The following FGF13 variants were observed in gnomAD, a reference collection of about 807,000 sequenced individuals.
FGF13 encodes the protein fibroblast growth factor 13, also known as fibroblast growth factor homologous factor 2.
In FGF13, 2 loss-of-function variants were observed where a neutral mutation model predicts 19.5. The observed-to-expected ratio is 0.10, with a 90% CI of 0.04 to 0.32. The LOEUF is 0.32. FGF13 is among the 10% of genes least tolerant of loss of function. FGF13 has a pLI of 1.00. For synonymous variants in FGF13, 72 were observed against 76.9 expected, an observed-to-expected ratio of 0.94 and a Z score of 0.33; for missense variants, 113 against 192.7, an observed-to-expected ratio of 0.59 and a Z score of 2.45.
chrX:139,204,440 T>TAGAA, upstream of FGF13, among the ~76,000 whole-genome samples: 1 of 112,594 alleles, frequency 8.9e-6, no homozygotes, highest in Non-Finnish European at 1.9e-5. Flanking sequence ...CCTCAGCTTC[T>TAGAA]GCCCGCCTGC....
intron 3 of FGF13, among the ~76,000 whole-genome samples, chrX:138,764,597 A>C (rs1055888574): frequency 2.7e-5 from 3 of 112,473 alleles, no homozygotes; most frequent in Non-Finnish European, 5.6e-5. Flanking sequence ...AAGGTCTGTA[A>C]CTATAGTTAT....
At chrX:138,878,158 A>G (rs1326534093) in intron 1 of FGF13, among the ~76,000 whole-genome samples, 1 of 109,777 alleles carries the variant, frequency 9.1e-6, no homozygotes, top group Non-Finnish European at 1.9e-5. Flanking sequence ...TTTTAATTTT[A>G]TTATCATTAC....
chrX:138,945,561 G>T (rs1303160003), intron 1 of FGF13, among the ~76,000 whole-genome samples: 2 of 111,759 alleles, frequency 1.8e-5, no homozygotes, highest in African/African-American at 6.5e-5. Context: ...ATTAACAGGG[G>T]TTGCCAACAG....
intron 1 of FGF13, among the ~76,000 whole-genome samples, chrX:139,019,616 A>C (rs2092168645): frequency 9.0e-6 from 1 of 111,188 alleles, no homozygotes; most frequent in Admixed American, 9.6e-5. Flanking sequence ...ACAATTATTA[A>C]AAGTATAACT....
intron 1 of FGF13, among the ~76,000 whole-genome samples, chrX:139,158,270 T>TC (rs2083996609): frequency 9.1e-6 from 1 of 109,528 alleles, no homozygotes; most frequent in Non-Finnish European, 1.9e-5. Context: ...AACCGTTCAC[T>TC]CCCCTGGAAA....
At chrX:139,167,212 T>C (rs1018297269) in intron 1 of FGF13, among the ~76,000 whole-genome samples, 1 of 112,193 alleles carries the variant, frequency 8.9e-6, no homozygotes, top group African/African-American at 3.2e-5. Flanking sequence ...CAAAGTATAC[T>C]GTCTCCCTTA....
chrX:139,099,690 G>A (rs1440243948), intron 1 of FGF13, among the ~76,000 whole-genome samples: 1 of 111,316 alleles, frequency 9.0e-6, no homozygotes, highest in Non-Finnish European at 1.9e-5. Flanking sequence ...CTGAGGTGGG[G>A]AGGAGGAAGG....
At chrX:139,161,975 T>C (rs926366108) in intron 1 of FGF13, among the ~76,000 whole-genome samples, 5 of 112,047 alleles carry the variant, frequency 4.5e-5, no homozygotes, top group South Asian at 3.7e-4. Context: ...ATACTGCCCA[T>C]AGTAATTTAT....
At chrX:138,888,205 T>G (rs903900815) in intron 1 of FGF13, among the ~76,000 whole-genome samples, 1 of 112,270 alleles carries the variant, frequency 8.9e-6, no homozygotes, top group Non-Finnish European at 1.9e-5. Flanking sequence ...GCCATTGAGT[T>G]GTATCATTCC....
chrX:139,069,140 G>A (rs1470219297), intron 1 of FGF13, among the ~76,000 whole-genome samples: 1 of 100,022 alleles, frequency 1.0e-5, no homozygotes, highest in Non-Finnish European at 2.0e-5. Context: ...TATAAATCAT[G>A]CTGCTATAAA....
At chrX:138,755,755 TG>T (rs1207812197) in intron 3 of FGF13, among the ~76,000 whole-genome samples, 2 of 112,244 alleles carry the variant, frequency 1.8e-5, no homozygotes, top group African/African-American at 6.5e-5. Flanking sequence ...ATTGTAATGA[TG>T]GGGAGACAAA....
intron 1 of FGF13, among the ~76,000 whole-genome samples, chrX:139,131,988 G>T (rs1351177011): frequency 8.9e-6 from 1 of 111,828 alleles, no homozygotes; most frequent in Non-Finnish European, 1.9e-5. Context: ...GAAGGTTATT[G>T]TTTCTCTGCA....
intron 1 of FGF13, among the ~76,000 whole-genome samples, chrX:138,940,798 T>G (rs1200251989): frequency 9.0e-6 from 1 of 111,309 alleles, no homozygotes; most frequent in African/African-American, 3.3e-5. Flanking sequence ...ATGTGTCTGT[T>G]TTTGTACCAG....
intron 1 of FGF13, among the ~76,000 whole-genome samples, chrX:139,194,163 G>T (rs1417996157): frequency 1.8e-5 from 2 of 109,002 alleles, no homozygotes. Context: ...ATTATTTAAC[G>T]ACATAAAATA....
chrX:138,751,512 T>C (rs1382580728), intron 3 of FGF13, among the ~76,000 whole-genome samples: 1 of 111,994 alleles, frequency 8.9e-6, no homozygotes, highest in Non-Finnish European at 1.9e-5. Flanking sequence ...TGTCTTGGTC[T>C]TGCTTTTATA....
rs1329760580 is a variant in FGF13 at position 138,633,081 on chromosome X, C to T, written c.602-95G>A. 1.4e-5 allele frequency: 13 copies of T among 923,097 alleles called. No individual in the cohort carries two copies. In the East Asian group the frequency reaches 4.3e-4, roughly 30 times the overall value. 76.1% of individuals were successfully genotyped at this position (923,097 alleles called of 1,213,427 possible). ...TAGTTTGTAGGTGTTCTATTCCACA[C>T]ACCTAAATGATAAGTATGTGAGGTA... On this transcript the variant is annotated intron_variant, in intron 4 of 4. Transcript: ENST00000315930.
chrX:138,942,185 C>T lies in FGF13; in HGVS notation c.-112-77535G>A, dbSNP rs146225349. Reference sequence around the variant, plus strand: ...CTTGGAAGTTGGTATTATTATTCTCCCCATGTCTTAGGTAAGCAAACAGAG... The same window carrying T: ...CTTGGAAGTTGGTATTATTATTCTCTCCATGTCTTAGGTAAGCAAACAGAG... On this transcript the variant is annotated intron_variant, in intron 1 of 2. Coordinates refer to the FGF13 transcript ENST00000421460. Among the ~76,000 whole-genome samples, 770 of 111,353 alleles carry T rather than the reference C, an allele frequency of 6.9e-3. 6 individuals are homozygous for T. Among genetic ancestry groups the T allele is most frequent in the African/African-American group, 0.022 (686 of 30,636 alleles).
chrX:138,866,192 A>G (rs548866440), intron 1 of FGF13, among the ~76,000 whole-genome samples: 22 of 112,730 alleles, frequency 2.0e-4, no homozygotes, highest in African/African-American at 7.1e-4. Context: ...AGCTTTAATA[A>G]CATGCCCATG....
At chrX:139,093,664 C>T (rs2083452584) in intron 1 of FGF13, among the ~76,000 whole-genome samples, 1 of 111,926 alleles carries the variant, frequency 8.9e-6, no homozygotes, top group Non-Finnish European at 1.9e-5. Flanking sequence ...CTAATGGCCT[C>T]AGTCTACTGG....
Sources: allele counts gnomAD v4.1 joint callset (sites outside exome capture counted in the v4.1 genomes callset), GRCh38; gene constraint gnomAD v4.1.1; transcripts MANE v1.5; gene names NCBI Gene and HGNC (gene_info 2026-07-23, HGNC 2026-07-21).